Variants in AGO1 observed in about 807,000 individuals in gnomAD.
AGO1 encodes the protein protein argonaute-1.
AGO1 carries 11 observed loss-of-function variants against 109.2 expected under a neutral mutation model. That is an observed-to-expected ratio of 0.10 (90% CI 0.06 to 0.17). The LOEUF is 0.17. Among genes scored for constraint, AGO1 ranks in the 10% least tolerant of loss-of-function variants. The pLI, the probability that AGO1 is intolerant of heterozygous loss-of-function variation, is 1.00. For missense variants in AGO1, 574 were observed against 1,140.3 expected (o/e 0.50, Z 7.15); for synonymous variants, 422 against 418.6 (o/e 1.01, Z -0.10).
chr1:35,870,741 T>C (rs1644943224), intron 1 of AGO1, among the ~76,000 whole-genome samples: 1 of 152,244 alleles, frequency 6.6e-6, no homozygotes, highest in Non-Finnish European at 1.5e-5. Context: ...TCATAATCCA[T>C]TCCCATTCTT....
chr1:35,918,379 C>G lies in AGO1; in HGVS notation c.2221C>G (p.Pro741Ala), dbSNP rs1645772715. ...CACAGTGGACACCAACATCACCCACCCATTTGAGTTTGACTTCTATCTGTG... is the reference window on the plus strand; with the variant it reads ...CACAGTGGACACCAACATCACCCACGCATTTGAGTTTGACTTCTATCTGTG... The part of the protein sequence containing the change: ...GTTVDTNITH[P>A]FEFDFYLCSH... The change falls in exon 17 of 19, where the codon CCA becomes GCA. Residue 741 changes from proline to alanine, a missense_variant. By Grantham distance (27) the Pro-to-Ala change is conservative. Around this residue, in one of 8 missense-constraint regions of AGO1, gnomAD observed 62 missense variants for 192.0 expected, o/e 0.32. Coordinates refer to ENST00000373204, the MANE Select transcript of AGO1 (RefSeq NM_012199.5). The G allele has an allele frequency of 4.3e-6, 7 of 1,614,146 alleles. No individual in the cohort carries two copies. Among genetic ancestry groups the G allele is most frequent in the Non-Finnish European group, 5.1e-6 (6 of 1,180,028 alleles).
chr1:35,919,787 C>T lies in AGO1; in HGVS notation c.*180C>T. ...GAACAGGGCCAGCAAGACAGACCAC[C>T]AGCCAGAAATCTCTGATATCAACCT... On this transcript the variant is annotated 3_prime_UTR_variant, in exon 19 of 19. Coordinates refer to ENST00000373204, the MANE Select transcript of AGO1 (RefSeq NM_012199.5). This position sits in a 1 kb window ranked among gnomAD's most constrained non-coding sequence, Gnocchi z 6.6. 1.7e-6 allele frequency: 1 copy of T among 588,708 alleles called. No individual in the cohort carries two copies. Among genetic ancestry groups the T allele is most frequent in the Non-Finnish European group, 3.0e-6 (1 of 334,996 alleles). 36.5% of individuals were successfully genotyped at this position (588,708 alleles called of 1,614,324 possible).
At chr1:35,891,645 A>G (rs1645221182) in intron 2 of AGO1, among the ~76,000 whole-genome samples, 2 of 151,780 alleles carry the variant, frequency 1.3e-5, no homozygotes, top group Admixed American at 6.6e-5. Flanking sequence ...GCTCACTGCA[A>G]CCTCTGCCTC....
At chr1:35,907,167 C>A in intron 12 of AGO1, 48 bp downstream of exon 12, 2 of 1,530,994 alleles carry the variant, frequency 1.3e-6, no homozygotes, top group South Asian at 1.3e-5. Flanking sequence ...CTCTTCTCAG[C>A]GTAGTTCCCT....
Position 35,920,811 on chromosome 1 carries a change from T to C in AGO1, c.*1204T>C, listed in dbSNP as rs1645818774. ...AATATTTCTTAACTGGGGTGTCTTA[T>C]AACAAAAAACTCTTAGGTCTAAAAT... is the stretch of plus-strand genomic sequence containing the variant. On this transcript the variant is annotated 3_prime_UTR_variant, in exon 19 of 19. Coordinates refer to ENST00000373204, the MANE Select transcript of AGO1 (RefSeq NM_012199.5). The C allele has an allele frequency of 6.6e-6, 1 of 152,562 alleles. No individual in the cohort carries two copies. The highest frequency in any genetic ancestry group is 1.5e-5 in the Non-Finnish European group (1 of 68,018). The allele number at this position is 152,562 out of a possible 1,614,324, so 9.5% of individuals were successfully genotyped here. A position where few individuals can be genotyped will look rare whatever the true frequency, so the allele number is the denominator to read the frequency against.
chr1:35,921,238 A>G lies in AGO1; in HGVS notation c.*1631A>G, dbSNP rs1206299477. 1 of 137,708 alleles carries G rather than the reference A, an allele frequency of 7.3e-6. No individual in the cohort carries two copies. Among genetic ancestry groups the G allele is most frequent in the East Asian group, 2.2e-4 (1 of 4,646 alleles). The allele number at this position is 137,708 out of a possible 1,614,324, so 8.5% of individuals were successfully genotyped here. The stretch of plus-strand genomic sequence containing the variant: ...CTATTGCTTCTGTTTACAAAAATGA[A>G]TTTTTCCTGGTTTCCCACTAGGGCA... On this transcript the variant is annotated 3_prime_UTR_variant, in exon 19 of 19. Transcript: ENST00000373204.
chr1:35,895,372 C>G (rs1301902153), intron 8 of AGO1, 103 bp downstream of exon 8: 7 of 1,327,622 alleles, frequency 5.3e-6, no homozygotes, highest in Non-Finnish European at 7.1e-6. Context: ...AACTGACATT[C>G]TGAGAAGGTA....
At chr1:35,891,926 G>A (rs1348605316) in intron 2 of AGO1, among the ~76,000 whole-genome samples, 7 of 151,738 alleles carry the variant, frequency 4.6e-5, no homozygotes, top group African/African-American at 7.3e-5. Flanking sequence ...CCCCCAGGCC[G>A]GAGTGCAGTG....
At chr1:35,874,610 T>G (rs1031472239) in intron 1 of AGO1, among the ~76,000 whole-genome samples, 10 of 152,150 alleles carry the variant, frequency 6.6e-5, no homozygotes, top group African/African-American at 2.2e-4. Flanking sequence ...CTGTAAGTGT[T>G]CAAGTGAAAG....
intron 8 of AGO1, among the ~76,000 whole-genome samples, chr1:35,900,045 C>T (rs1467948989): frequency 1.3e-5 from 2 of 152,200 alleles, no homozygotes; most frequent in Non-Finnish European, 2.9e-5. Context: ...TCTTGTATGT[C>T]ACTAGACAGC....
At chr1:35,891,719 C>T (rs1359827610) in intron 2 of AGO1, among the ~76,000 whole-genome samples, 1 of 152,032 alleles carries the variant, frequency 6.6e-6, no homozygotes, top group Non-Finnish European at 1.5e-5. Context: ...CACACACCAC[C>T]TTGCCTGACT....
Position 35,893,925 on chromosome 1 carries a change from A to C in AGO1, c.650-112A>C. ...CTAGTCTAATTCCTACAGCCCTGGC[A>C]CCCCCTTCCCCCATCCCAATGCCCT... is the stretch of plus-strand genomic sequence containing the variant. On this transcript the variant is annotated intron_variant, in intron 5 of 18. Transcript: ENST00000373204. This position sits in a 1 kb window ranked among gnomAD's most constrained non-coding sequence, Gnocchi z 5.6. The C allele has an allele frequency of 6.5e-7, 1 of 1,528,606 alleles. No homozygotes were observed. Among genetic ancestry groups the C allele is most frequent in the Middle Eastern group, 1.8e-4 (1 of 5,642 alleles). The allele number at this position is 1,528,606 out of a possible 1,614,324, so 94.7% of individuals were successfully genotyped here.
At chr1:35,870,073 T>C (rs1420190150) in intron 1 of AGO1, among the ~76,000 whole-genome samples, 1 of 152,034 alleles carries the variant, frequency 6.6e-6, no homozygotes, top group Non-Finnish European at 1.5e-5. Flanking sequence ...GTCAGCCTTC[T>C]CTTAAACCGT....
rs2148711472 is a variant in AGO1, at chr1:35,893,919, C to T, written c.649+109C>T. ...ACACTCCTAGTCTAATTCCTACAGCCCTGGCACCCCCTTCCCCCATCCCAA... is the reference window on the plus strand; with the variant it reads ...ACACTCCTAGTCTAATTCCTACAGCTCTGGCACCCCCTTCCCCCATCCCAA... On this transcript the variant is annotated intron_variant, in intron 5 of 18. Coordinates refer to ENST00000373204, the MANE Select transcript of AGO1 (RefSeq NM_012199.5). This position sits in a 1 kb window ranked among gnomAD's most constrained non-coding sequence, Gnocchi z 5.6. 6.5e-7 allele frequency: 1 copy of T among 1,527,280 alleles called. No homozygotes were observed. The highest frequency in any genetic ancestry group is 1.3e-5 in the South Asian group (1 of 79,316). The allele number at this position is 1,527,280 out of a possible 1,614,324, so 94.6% of individuals were successfully genotyped here.
In AGO1 at chr1:35,871,972, A is replaced by G. The variant is rs548644794; in HGVS notation, c.-201+2069A>G. ...GTAGTCCCAGGTACTTGGGAGGCTG[A>G]GGCAGGAGAATGGCATGAACCCGGG... On this transcript the variant is annotated intron_variant, in intron 1 of 18. Coordinates refer to the AGO1 transcript ENST00000373206. 3.0e-4 allele frequency among the ~76,000 whole-genome samples: 45 copies of G among 149,664 alleles called. 1 individual carries two copies. In the South Asian group the frequency reaches 3.7e-3, roughly 12 times the overall value.
chr1:35,906,052 T>C (rs1047552221), intron 11 of AGO1, among the ~76,000 whole-genome samples: 4 of 152,386 alleles, frequency 2.6e-5, no homozygotes, highest in African/African-American at 9.6e-5. Flanking sequence ...TTAAATTTCC[T>C]GCTGCTTATT....
At chr1:35,910,590 A>G (rs995374743) in intron 12 of AGO1, among the ~76,000 whole-genome samples, 4 of 152,154 alleles carry the variant, frequency 2.6e-5, no homozygotes, top group South Asian at 2.1e-4. Context: ...AGTTTTGCCT[A>G]TATTTAAACT....
chr1:35,910,397 T>G (rs1175782803), intron 12 of AGO1, among the ~76,000 whole-genome samples: 1 of 151,956 alleles, frequency 6.6e-6, no homozygotes, highest in African/African-American at 2.4e-5. Context: ...ATTATTGTTT[T>G]TTTAATGTAA....
At chr1:35,884,952 T>G (rs1194713653) in intron 1 of AGO1, among the ~76,000 whole-genome samples, 1 of 152,206 alleles carries the variant, frequency 6.6e-6, no homozygotes, top group African/African-American at 2.4e-5. Flanking sequence ...CTTCATTACT[T>G]TCCTAGTGGA....
Sources: gnomAD v4.1 joint callset for allele counts (sites outside exome capture counted in the v4.1 genomes callset) on GRCh38, gnomAD v4.1.1 for gene constraint, gnomAD v4.1.1 regional missense constraint, Gnocchi (gnomAD v3.1) non-coding constraint, MANE v1.5 for transcripts, NCBI Gene and HGNC (gene_info 2026-07-23, HGNC 2026-07-21) for gene names.